NALF1: variants seen among roughly 807,000 people sequenced by gnomAD.
NALF1 encodes the protein NALCN channel auxiliary factor 1, also known as family with sequence similarity 155 member A.
In NALF1, 3 loss-of-function variants were observed where a neutral mutation model predicts 48.4. The ratio of observed to expected loss-of-function variants is 0.06; its 90% CI spans 0.03 to 0.16. The LOEUF (loss-of-function observed/expected upper bound fraction) is 0.16, where lower values mean the gene tolerates loss of function less well. Ranked by LOEUF, NALF1 falls within the 10% of genes least tolerant of loss-of-function variation. The probability of loss-of-function intolerance (pLI) is 1.00; values close to 1 mark genes in which losing one functional copy is unlikely to be tolerated. For synonymous variants in NALF1, 262 were observed against 245.7 expected (o/e 1.07, Z -0.62); for missense variants, 526 against 571.5 (o/e 0.92, Z 0.81).
chr13:107,597,376 A>C (rs1457561912), intron 1 of NALF1, among the ~76,000 whole-genome samples: 1 of 152,168 alleles, frequency 6.6e-6, no homozygotes, highest in Non-Finnish European at 1.5e-5. Context: ...TTTCTGTACA[A>C]GATTTAAAGA....
chr13:107,367,096 A>G (rs1566496953), intron 1 of NALF1, among the ~76,000 whole-genome samples: 1 of 152,220 alleles, frequency 6.6e-6, no homozygotes, highest in Non-Finnish European at 1.5e-5. Context: ...AAACGCAGAA[A>G]AGCGAAAAGT....
intron 1 of NALF1, among the ~76,000 whole-genome samples, chr13:107,477,610 A>G (rs140604378): frequency 6.6e-6 from 1 of 151,870 alleles, no homozygotes; most frequent in African/African-American, 2.4e-5. Flanking sequence ...TCAACAGGTT[A>G]CTCTTGGTAG....
intron 1 of NALF1, among the ~76,000 whole-genome samples, chr13:107,215,971 A>T (rs1213232222): frequency 6.6e-6 from 1 of 152,230 alleles, no homozygotes; most frequent in East Asian, 1.9e-4. Context: ...TGCTGAAAAA[A>T]TATCATGTTG....
chr13:107,691,380 C>A (rs533512402), intron 1 of NALF1, among the ~76,000 whole-genome samples: 88 of 152,268 alleles, frequency 5.8e-4, no homozygotes, highest in African/African-American at 2.1e-3. Context: ...CTACAGCAGC[C>A]CTAGGAAACT....
intron 1 of NALF1, among the ~76,000 whole-genome samples, chr13:107,237,939 C>T (rs72664800): frequency 0.043 from 6,488 of 152,198 alleles, 297 homozygotes; most frequent in Non-Finnish European, 0.057. Context: ...TATACACATC[C>T]TGGAGCCATT....
At chr13:107,658,001 G>A (rs1480487121) in intron 1 of NALF1, among the ~76,000 whole-genome samples, 3 of 152,122 alleles carry the variant, frequency 2.0e-5, no homozygotes, top group African/African-American at 4.8e-5. Flanking sequence ...GGGTGTACAT[G>A]TTCGAGACAT....
chr13:107,775,897 A>G (rs975507041), intron 1 of NALF1, among the ~76,000 whole-genome samples: 3 of 152,240 alleles, frequency 2.0e-5, no homozygotes, highest in Non-Finnish European at 4.4e-5. Flanking sequence ...TGACCAAGCT[A>G]GGCTGTCAGA....
At chr13:107,661,189 T>C (rs537292881) in intron 1 of NALF1, among the ~76,000 whole-genome samples, 3 of 152,314 alleles carry the variant, frequency 2.0e-5, no homozygotes, top group African/African-American at 4.8e-5. Flanking sequence ...TGAGCAACTT[T>C]GTGTGGATTT....
intron 1 of NALF1, among the ~76,000 whole-genome samples, chr13:107,573,646 C>G (rs781111629): frequency 2.6e-5 from 4 of 152,030 alleles, no homozygotes; most frequent in Non-Finnish European, 5.9e-5. Flanking sequence ...ACCCAAAACT[C>G]ATCTTGAATT....
chr13:107,338,688 G>C (rs1882606846), intron 1 of NALF1, among the ~76,000 whole-genome samples: 1 of 152,146 alleles, frequency 6.6e-6, no homozygotes, highest in Non-Finnish European at 1.5e-5. Context: ...CACCTATTAA[G>C]AGCCATTCGG....
chr13:107,816,963 A>G (rs1243174603), intron 1 of NALF1, among the ~76,000 whole-genome samples: 1 of 152,142 alleles, frequency 6.6e-6, no homozygotes, highest in East Asian at 1.9e-4. Context: ...TTTTATACAT[A>G]TGGATTTTGG....
chr13:107,798,522 C>T (rs1248103107), intron 1 of NALF1, among the ~76,000 whole-genome samples: 6 of 152,154 alleles, frequency 3.9e-5, no homozygotes, highest in Non-Finnish European at 7.4e-5. Flanking sequence ...CTTTCCCTAT[C>T]ATCTTATATA....
intron 1 of NALF1, among the ~76,000 whole-genome samples, chr13:107,842,471 G>T (rs2138635950): frequency 6.6e-6 from 1 of 151,054 alleles, no homozygotes; most frequent in South Asian, 2.1e-4. Context: ...AAAGGTTAAG[G>T]GTATAAATTT....
intron 2 of NALF1, among the ~76,000 whole-genome samples, chr13:107,207,679 C>T (rs551537246): frequency 1.3e-5 from 2 of 152,174 alleles, no homozygotes; most frequent in South Asian, 2.1e-4. Context: ...GACAGGGTCT[C>T]GCTATGCTGC....
At chr13:107,825,552 G>C (rs1003206557) in intron 1 of NALF1, among the ~76,000 whole-genome samples, 7 of 152,242 alleles carry the variant, frequency 4.6e-5, no homozygotes, top group African/African-American at 1.7e-4. Context: ...GAGAGCATTC[G>C]CTCAATAACT....
intron 1 of NALF1, among the ~76,000 whole-genome samples, chr13:107,289,115 T>C (rs1881563935): frequency 6.6e-6 from 1 of 152,216 alleles, no homozygotes; most frequent in African/African-American, 2.4e-5. Context: ...CAGGATATTG[T>C]ACTTTTTATT....
intron 1 of NALF1, among the ~76,000 whole-genome samples, chr13:107,354,957 C>T (rs936785896): frequency 6.6e-6 from 1 of 152,166 alleles, no homozygotes; most frequent in African/African-American, 2.4e-5. Context: ...AGATCCCCAA[C>T]CCTAGGACGT....
chr13:107,536,438 C>T (rs1876814039), intron 1 of NALF1, among the ~76,000 whole-genome samples: 1 of 152,134 alleles, frequency 6.6e-6, no homozygotes, highest in Admixed American at 6.5e-5. Context: ...AGACACTTCT[C>T]AAAAGAAGAC....
chr13:107,264,731 G>A (rs1881006271), intron 1 of NALF1, among the ~76,000 whole-genome samples: 1 of 152,120 alleles, frequency 6.6e-6, no homozygotes, highest in African/African-American at 2.4e-5. Flanking sequence ...TCAGGTTTTT[G>A]CCTTTATCAT....
Sources: allele counts gnomAD v4.1 joint callset (sites outside exome capture counted in the v4.1 genomes callset), GRCh38; gene constraint gnomAD v4.1.1; transcripts MANE v1.5; gene names NCBI Gene and HGNC (gene_info 2026-07-23, HGNC 2026-07-21).